ZNF34: variants seen among roughly 807,000 people sequenced by gnomAD.
The protein encoded by ZNF34 is zinc finger protein 34 (KOX 32).
In ZNF34, 8 loss-of-function variants were observed where a neutral mutation model predicts 14.4. The ratio of observed to expected loss-of-function variants is 0.55; its 90% CI spans 0.33 to 1.00. The LOEUF is 1.00. ZNF34 is among the 50% of genes least tolerant of loss of function. The probability of loss-of-function intolerance (pLI) is 0.03; values close to 1 mark genes in which losing one functional copy is unlikely to be tolerated. For missense variants in ZNF34, 538 were observed against 674.2 expected, an observed-to-expected ratio of 0.80 and a Z score of 2.24; for synonymous variants, 235 against 247.9, an observed-to-expected ratio of 0.95 and a Z score of 0.49.
chr8:144,787,036 G>A (rs1038859234), intron 1 of ZNF34, among the ~76,000 whole-genome samples: 1 of 152,194 alleles, frequency 6.6e-6, no homozygotes, highest in Admixed American at 6.5e-5. Flanking sequence ...GAGTTGTCAG[G>A]GGCTCGAGAG....
At chr8:144,781,388 C>T (rs1315389218) in intron 1 of ZNF34, among the ~76,000 whole-genome samples, 2 of 151,402 alleles carry the variant, frequency 1.3e-5, no homozygotes, top group African/African-American at 4.8e-5. Flanking sequence ...CCTGCCTCAG[C>T]CTCCCAAGTA....
In ZNF34 at chr8:144,779,428, A is replaced by T. The variant is rs1563789599; in HGVS notation, c.-55+800T>A. Among the ~76,000 whole-genome samples, 1 of 152,118 alleles carries T rather than the reference A, an allele frequency of 6.6e-6. No homozygotes were observed. The highest frequency in any genetic ancestry group is 1.5e-5 in the Non-Finnish European group (1 of 68,022). On this transcript the variant is annotated intron_variant, in intron 2 of 5. Coordinates refer to ENST00000429371, the MANE Select transcript of ZNF34 (RefSeq NM_001286769.2). This position sits in a 1 kb window ranked among gnomAD's most constrained non-coding sequence, Gnocchi z 4.1. ...TCACCACCTGCTTCTTTGTTCGATC[A>T]TCAATAAATAGTGTGGGCTCCCAGA...
chr8:144,774,602 A>G lies in ZNF34; in HGVS notation c.284T>C (p.Leu95Pro). ...KEHLRVNSPA[L>P]GTRTEYKELT... Reference sequence around the variant, plus strand: ...CTCCTTGTACTCAGTTCTGGTCCCAAGAGCTGAAACAAAAAACAGAACATC... The same window carrying G: ...CTCCTTGTACTCAGTTCTGGTCCCAGGAGCTGAAACAAAAAACAGAACATC... The change falls in exon 6 of 6, where the codon CTT becomes CCT. Residue 95 changes from leucine to proline, a missense_variant. By Grantham distance (98) the Leu-to-Pro change is moderately conservative. Coordinates refer to ENST00000429371, the MANE Select transcript of ZNF34 (RefSeq NM_001286769.2). The G allele has an allele frequency of 6.2e-7, 1 of 1,608,180 alleles. No individual in the cohort carries two copies. The highest frequency in any genetic ancestry group is 8.5e-7 in the Non-Finnish European group (1 of 1,177,058).
rs539384620 is a variant in ZNF34 at position 144,772,736 on chromosome 8, C to T, written c.*530G>A. 2.0e-5 allele frequency among the ~76,000 whole-genome samples: 3 copies of T among 152,150 alleles called. No individual in the cohort carries two copies. The highest frequency in any genetic ancestry group is 3.9e-4 in the East Asian group (2 of 5,188). ...TGTATTTTTAGTAGAGACGGGGTTT[C>T]ACCATGTTGGCCAGGCTGGTCTCAA... On this transcript the variant is annotated 3_prime_UTR_variant, in exon 6 of 6. Coordinates refer to ENST00000429371, the MANE Select transcript of ZNF34 (RefSeq NM_001286769.2).
At chr8:144,778,996 A>G (rs1459348605) in intron 2 of ZNF34, among the ~76,000 whole-genome samples, 1 of 151,862 alleles carries the variant, frequency 6.6e-6, no homozygotes, top group South Asian at 2.1e-4. Flanking sequence ...CCTTTGGAAC[A>G]CCAAGCTCTG....
chr8:144,783,936 G>A (rs1167016331), intron 1 of ZNF34, among the ~76,000 whole-genome samples: 2 of 152,148 alleles, frequency 1.3e-5, no homozygotes, highest in African/African-American at 2.4e-5. Context: ...AGGCCAAGGC[G>A]GGAGGATCAC....
chr8:144,773,220 G>A lies in ZNF34; in HGVS notation c.*46C>T. 6.5e-7 allele frequency: 1 copy of A among 1,546,476 alleles called. No individual in the cohort carries two copies. The highest frequency in any genetic ancestry group is 8.7e-7 in the Non-Finnish European group (1 of 1,143,300). On this transcript the variant is annotated 3_prime_UTR_variant, in exon 6 of 6. Coordinates refer to ENST00000429371, the MANE Select transcript of ZNF34 (RefSeq NM_001286769.2). The surrounding 1 kb of genome is among the most constrained non-coding windows in gnomAD (Gnocchi z 5.4). ...GCAGAGTCAGGTGCCGGGGGCGCAT[G>A]CAGGAAGTGCTCAGCTGGACTCTGC...
Position 144,778,109 on chromosome 8 carries a change from C to T in ZNF34, c.89G>A (p.Arg30His), listed in dbSNP as rs751570665. 1.6e-5 allele frequency: 26 copies of T among 1,613,838 alleles called. No individual in the cohort carries two copies. Among genetic ancestry groups the T allele is most frequent in the East Asian group, 1.1e-4 (5 of 44,896 alleles). ...GAGGCCCCTCTGAGCAGGGCCCAGGCGGCCCCATTCCTCCCGGGAGAGGTA... is the reference window on the plus strand; with the variant it reads ...GAGGCCCCTCTGAGCAGGGCCCAGGTGGCCCCATTCCTCCCGGGAGAGGTA... ...AVYLSREEWG[R>H]LGPAQRGLYR... The change falls in exon 4 of 6, where the codon CGC (arginine) becomes CAC (histidine). Residue 30 changes from arginine to histidine, a missense_variant. Physicochemically the swap from Arg to His is conservative, Grantham distance 29. Transcript: ENST00000429371.
chr8:144,785,032 G>A (rs569999465), intron 1 of ZNF34, among the ~76,000 whole-genome samples: 8 of 140,152 alleles, frequency 5.7e-5, no homozygotes, highest in African/African-American at 1.6e-4. Context: ...TAGAAGAATC[G>A]TTTGAGAGTG....
chr8:144,786,045 C>T (rs1454600764), intron 1 of ZNF34, among the ~76,000 whole-genome samples: 1 of 132,570 alleles, frequency 7.5e-6, no homozygotes, highest in Non-Finnish European at 1.5e-5. Flanking sequence ...AGAGCAGTGG[C>T]GGGATCTTGG....
rs1826203685 is a variant in ZNF34 at position 144,785,964 on chromosome 8, T to C, written c.-108+1315A>G. ...ACTGTCAGGTACAGAATATACACAG[T>C]ATAATACATAGGTAGTTTTTTTTTT... On this transcript the variant is annotated intron_variant, in intron 1 of 5. Coordinates refer to ENST00000429371, the MANE Select transcript of ZNF34 (RefSeq NM_001286769.2). Among the ~76,000 whole-genome samples the C allele has an allele frequency of 2.0e-5, 3 of 149,534 alleles. No homozygotes were observed. The South Asian group carries it at 6.3e-4, about 32-fold the overall frequency.
chr8:144,785,911 A>T (rs901252246), intron 1 of ZNF34, among the ~76,000 whole-genome samples: 2 of 152,034 alleles, frequency 1.3e-5, no homozygotes, highest in African/African-American at 2.4e-5. Context: ...TGTCAAGGAG[A>T]TAGAGCACAG....
In ZNF34 at chr8:144,774,595, G is replaced by A; in HGVS notation, c.291C>T (p.Thr97=). ...AAGTCAACTCCTTGTACTCAGTTCT[G>A]GTCCCAAGAGCTGAAACAAAAAACA... ...HLRVNSPALG[T]RTEYKELTSQ... is the part of the protein sequence containing the mutation. Residue 97 remains threonine (T), a synonymous_variant, in exon 6 of 6, where the codon ACC becomes ACT. Transcript: ENST00000429371. 6.2e-7 allele frequency: 1 copy of A among 1,610,428 alleles called. No homozygotes were observed.
In ZNF34 at chr8:144,773,512, C is replaced by G. The variant is rs757207059; in HGVS notation, c.1374G>C (p.Glu458Asp). ...AACTGTTGTGGAAGGCCTTCCCACA[C>G]TCGCTGCACTTGTAGGGCTTCTCTC... The part of the protein sequence containing the change: ...HTGEKPYKCS[E>D]CGKAFHNSSR... Residue 458 changes from glutamate to aspartate, a missense_variant, in exon 6 of 6, where the codon GAG (glutamate) becomes GAC (aspartate). By Grantham distance (45) the Glu-to-Asp change is conservative (BLOSUM62 2). This residue lies in a region of ZNF34 where 101 missense variants were observed against 123.1 expected (regional missense o/e 0.82). Transcript: ENST00000429371. This position sits in a 1 kb window ranked among gnomAD's most constrained non-coding sequence, Gnocchi z 5.4. The G allele has an allele frequency of 1.3e-5, 21 of 1,614,068 alleles. No homozygotes were observed. The highest frequency in any genetic ancestry group is 1.8e-5 in the Non-Finnish European group (21 of 1,180,034).
intron 1 of ZNF34, among the ~76,000 whole-genome samples, chr8:144,782,621 T>C (rs1825958478): frequency 6.6e-6 from 1 of 151,752 alleles, no homozygotes; most frequent in African/African-American, 2.4e-5. Flanking sequence ...GTGGATCTCT[T>C]GAGCCCAGGA....
intron 1 of ZNF34, among the ~76,000 whole-genome samples, chr8:144,784,754 T>A (rs1255196478): frequency 6.7e-6 from 1 of 149,880 alleles, no homozygotes; most frequent in Non-Finnish European, 1.5e-5. Flanking sequence ...CAAGACTCTG[T>A]CTCAAAAAAA....
At chr8:144,780,165 C>T in intron 2 of ZNF34, 63 bp downstream of exon 2, 1 of 1,350,804 alleles carries the variant, frequency 7.4e-7, no homozygotes, top group Non-Finnish European at 1.0e-6. Flanking sequence ...CCACTGCACT[C>T]CAGCCTGGGC....
Position 144,774,074 on chromosome 8 carries a change from C to A in ZNF34, c.812G>T (p.Cys271Phe). Residue 271 changes from cysteine (C) to phenylalanine (F), a missense_variant, in exon 6 of 6, where the codon TGC (cysteine) becomes TTC (phenylalanine). By Grantham distance (205) the Cys-to-Phe change is radical. Coordinates refer to ENST00000429371, the MANE Select transcript of ZNF34 (RefSeq NM_001286769.2). ...DECGKAFSQS[C>F]EFINHRRMHS... ...CATCCTTCGGTGATTGATGAACTCG[C>A]AGCTCTGGCTGAAGGCTTTCCCACA... 6.2e-7 allele frequency: 1 copy of A among 1,613,620 alleles called. No individual in the cohort carries two copies. Among genetic ancestry groups the A allele is most frequent in the African/African-American group, 1.3e-5 (1 of 74,882 alleles).
intron 5 of ZNF34, among the ~76,000 whole-genome samples, chr8:144,775,933 T>G (rs768494562): frequency 5.3e-5 from 8 of 152,244 alleles, no homozygotes; most frequent in Non-Finnish European, 1.0e-4. Context: ...TCTTTTGGCC[T>G]GCACTTGCAC....
Sources: gnomAD v4.1 joint callset for allele counts (sites outside exome capture counted in the v4.1 genomes callset) on GRCh38, gnomAD v4.1.1 for gene constraint, gnomAD v4.1.1 regional missense constraint, Gnocchi (gnomAD v3.1) non-coding constraint, MANE v1.5 for transcripts, NCBI Gene and HGNC (gene_info 2026-07-23, HGNC 2026-07-21) for gene names.